Variants in PSD3 observed in about 807,000 individuals in gnomAD.
The protein encoded by PSD3 is pleckstrin and Sec7 domain containing 3.
A neutral mutation model predicts 105.5 loss-of-function variants in PSD3; 49 were observed. The observed-to-expected ratio is 0.46, with a 90% CI of 0.37 to 0.59. The LOEUF (loss-of-function observed/expected upper bound fraction) is 0.59, where lower values mean the gene tolerates loss of function less well. Among genes scored for constraint, PSD3 ranks in the 20% least tolerant of loss-of-function variants. PSD3 has a pLI of 0.00. For missense variants in PSD3, 1,561 were observed against 1,263.8 expected (o/e 1.24, Z -3.57); for synonymous variants, 557 against 457.8 (o/e 1.22, Z -2.77).
intron 2 of PSD3, among the ~76,000 whole-genome samples, chr8:18,921,144 C>T (rs1820988749): frequency 6.6e-6 from 1 of 152,116 alleles, no homozygotes; most frequent in Non-Finnish European, 1.5e-5. Flanking sequence ...TTGCATTTTC[C>T]TGTTGACATA....
rs1829387073 is a variant in PSD3 at position 19,074,591 on chromosome 8, AC to A, written c.324+9614del. Among the ~76,000 whole-genome samples, 9 of 9,198 alleles carry A rather than the reference AC, an allele frequency of 9.8e-4. 1 individual carries two copies. Among genetic ancestry groups the A allele is most frequent in the East Asian group, 0.021 (2 of 94 alleles). 6.0% of individuals were successfully genotyped at this position (9,198 alleles called of 152,430 possible). A position where few individuals can be genotyped will look rare whatever the true frequency, so the allele number is the denominator to read the frequency against. On this transcript the variant is annotated intron_variant, in intron 1 of 1. Coordinates refer to the PSD3 transcript ENST00000521475. ...GTATAATTTTACAACTCAGATATATACATATATATATATATATATATTTTTT... is the reference window on the plus strand; with the variant it reads ...GTATAATTTTACAACTCAGATATATAATATATATATATATATATATTTTTT...
chr8:19,072,085 T>G (rs1395317862), intron 1 of PSD3, among the ~76,000 whole-genome samples: 1 of 147,732 alleles, frequency 6.8e-6, no homozygotes, highest in East Asian at 2.1e-4. Context: ...AGAGCTCTTT[T>G]GGTTTCCTGA....
At chr8:18,838,967 A>G (rs1200028145) in intron 4 of PSD3, among the ~76,000 whole-genome samples, 1 of 151,908 alleles carries the variant, frequency 6.6e-6, no homozygotes, top group Non-Finnish European at 1.5e-5. Flanking sequence ...TGAATATCCT[A>G]TAGATGAAAA....
intron 11 of PSD3, among the ~76,000 whole-genome samples, chr8:18,631,785 T>C (rs1490503422): frequency 1.3e-5 from 2 of 151,974 alleles, no homozygotes; most frequent in Non-Finnish European, 1.5e-5. Context: ...CCCACTGCAA[T>C]GTTTCTCTCC....
At chr8:18,780,893 A>G (rs540560931) in intron 8 of PSD3, among the ~76,000 whole-genome samples, 2 of 152,200 alleles carry the variant, frequency 1.3e-5, no homozygotes, top group South Asian at 4.2e-4. Flanking sequence ...TATGACAGAT[A>G]TTGTCCTTTA....
chr8:18,645,261 T>C (rs893364608), intron 10 of PSD3, among the ~76,000 whole-genome samples: 8 of 152,220 alleles, frequency 5.3e-5, no homozygotes, highest in African/African-American at 1.9e-4. Context: ...CCACTGAAAA[T>C]CTTTTTCCTT....
chr8:18,924,163 CA>C lies in PSD3; in HGVS notation c.130+11870del, dbSNP rs1475616810. Among the ~76,000 whole-genome samples, 4 of 152,216 alleles carry C rather than the reference CA, an allele frequency of 2.6e-5. No homozygotes were observed. In the East Asian group the frequency reaches 7.7e-4, roughly 29 times the overall value. ...AGGTGGAACCTCTAACTTACTATAC[CA>C]AAAACCCTAGCCAAAGAGAAAGTTA... On this transcript the variant is annotated intron_variant, in intron 2 of 15. Transcript: ENST00000327040.
intron 2 of PSD3, among the ~76,000 whole-genome samples, chr8:18,884,952 T>G (rs1203294184): frequency 6.6e-6 from 1 of 152,208 alleles, no homozygotes; most frequent in Non-Finnish European, 1.5e-5. Context: ...AACCGTAGTC[T>G]CTGCAACTGT....
intron 11 of PSD3, among the ~76,000 whole-genome samples, chr8:18,612,269 T>G (rs1425443612): frequency 6.6e-6 from 1 of 152,170 alleles, no homozygotes; most frequent in South Asian, 2.1e-4. Flanking sequence ...AACTCTAAAA[T>G]TGGATTCTGA....
chr8:18,828,900 A>AT (rs1813444375), intron 4 of PSD3, among the ~76,000 whole-genome samples: 1 of 152,126 alleles, frequency 6.6e-6, no homozygotes, highest in Non-Finnish European at 1.5e-5. Flanking sequence ...TGAGTTCAAG[A>AT]TCAGGCTGGC....
At chr8:18,721,189 A>G (rs1401798602) in intron 9 of PSD3, 1 of 151,998 alleles carries the variant, frequency 6.6e-6, no homozygotes, top group African/African-American at 2.4e-5. Context: ...GGCTAGCAAA[A>G]CAAGGTGTGT....
intron 2 of PSD3, among the ~76,000 whole-genome samples, chr8:18,935,511 TAAAA>T (rs5889837): frequency 1.4e-5 from 2 of 138,080 alleles, no homozygotes; most frequent in African/African-American, 2.7e-5. Context: ...CCCTGTCTCT[TAAAA>T]AAAAAAAAAA....
intron 9 of PSD3, among the ~76,000 whole-genome samples, chr8:18,672,771 A>T (rs865952464): frequency 1.3e-5 from 2 of 152,224 alleles, no homozygotes; most frequent in Non-Finnish European, 2.9e-5. Flanking sequence ...CTAGCAGCAG[A>T]ACATGGTCTA....
At chr8:18,810,284 G>A (rs1475521638) in intron 4 of PSD3, among the ~76,000 whole-genome samples, 1 of 152,172 alleles carries the variant, frequency 6.6e-6, no homozygotes, top group Admixed American at 6.5e-5. Flanking sequence ...CTAAGAGAAT[G>A]CAAGAACACA....
intron 1 of PSD3, among the ~76,000 whole-genome samples, chr8:18,984,007 T>C (rs1424068632): frequency 1.6e-5 from 2 of 125,488 alleles, no homozygotes; most frequent in Admixed American, 8.0e-5. Flanking sequence ...ACTATCTCAT[T>C]ATTTAAAAAA....
intron 4 of PSD3, chr8:18,809,039 T>C (rs901281000): frequency 6.7e-6 from 6 of 901,880 alleles, no homozygotes; most frequent in East Asian, 6.2e-5. Flanking sequence ...TAAGAAACAG[T>C]GAGCCCAGCC....
At chr8:18,919,368 C>G (rs1390200381) in intron 2 of PSD3, among the ~76,000 whole-genome samples, 1 of 152,022 alleles carries the variant, frequency 6.6e-6, no homozygotes, top group Non-Finnish European at 1.5e-5. Context: ...TTTCACACAC[C>G]ACACAGTTAT....
intron 15 of PSD3, 44 bp downstream of exon 15, chr8:18,556,164 GA>G: frequency 1.2e-6 from 2 of 1,604,156 alleles, no homozygotes; most frequent in Non-Finnish European, 1.7e-6. Context: ...CAGATCATAA[GA>G]AAACTCAGAA....
chr8:18,813,827 T>A (rs371067464), intron 4 of PSD3, among the ~76,000 whole-genome samples: 93 of 152,296 alleles, frequency 6.1e-4, no homozygotes, highest in African/African-American at 2.2e-3. Flanking sequence ...GAAGATGAGA[T>A]GAGAAGATCC....
Sources: gnomAD v4.1 joint callset for allele counts (sites outside exome capture counted in the v4.1 genomes callset) on GRCh38, gnomAD v4.1.1 for gene constraint, MANE v1.5 for transcripts, NCBI Gene and HGNC (gene_info 2026-07-23, HGNC 2026-07-21) for gene names.